ZDHHC15: variants seen among roughly 807,000 people sequenced by gnomAD.
The protein encoded by ZDHHC15 is zDHHC palmitoyltransferase 15.
In ZDHHC15, 19 loss-of-function variants were observed where a neutral mutation model predicts 31.7. The ratio of observed to expected loss-of-function variants is 0.60; its 90% confidence interval spans 0.42 to 0.88. ZDHHC15 has a LOEUF of 0.88. ZDHHC15 is among the 40% of genes least tolerant of loss of function. ZDHHC15 has a pLI of 0.00. For missense variants in ZDHHC15, 209 were observed against 251.2 expected (o/e 0.83, Z 1.14); for synonymous variants, 103 against 90.0 (o/e 1.14, Z -0.82).
chrX:75,382,257 T>C (rs1296575188), intron 10 of ZDHHC15, among the ~76,000 whole-genome samples: 2 of 112,165 alleles, frequency 1.8e-5, no homozygotes, highest in Admixed American at 9.5e-5. Flanking sequence ...ATTGAACTGA[T>C]TGATTAGAGA....
At chrX:75,497,283 AG>A (rs1221875129) in intron 2 of ZDHHC15, among the ~76,000 whole-genome samples, 1 of 111,860 alleles carries the variant, frequency 8.9e-6, no homozygotes, top group Non-Finnish European at 1.9e-5. Flanking sequence ...AGATTAAACC[AG>A]GAAGAAACAG....
rs905576509 is a variant in ZDHHC15 at position 75,372,255 on chromosome X, G to A, written c.*723C>T. On this transcript the variant is annotated 3_prime_UTR_variant, in exon 12 of 12. Transcript: ENST00000373367. ...TCAATAAAGTTTATGTCCTGAATTT[G>A]ATCTTCTTGAGTAGCTGTGGTGCTT... 30 of 112,011 alleles carry A rather than the reference G, an allele frequency of 2.7e-4. No homozygotes were observed. Among genetic ancestry groups the A allele is most frequent in the African/African-American group, 9.1e-4 (28 of 30,903 alleles). 9.2% of individuals were successfully genotyped at this position (112,011 alleles called of 1,213,427 possible). A position where few individuals can be genotyped will look rare whatever the true frequency, so the allele number is the denominator to read the frequency against.
chrX:75,429,692 C>T (rs1357715924), intron 6 of ZDHHC15, among the ~76,000 whole-genome samples: 1 of 111,764 alleles, frequency 8.9e-6, no homozygotes, highest in Admixed American at 9.5e-5. Flanking sequence ...TGCTGTATTT[C>T]ATTACTATGC....
At chrX:75,516,383 A>C (rs2085356818) in intron 1 of ZDHHC15, among the ~76,000 whole-genome samples, 1 of 111,954 alleles carries the variant, frequency 8.9e-6, no homozygotes, top group African/African-American at 3.2e-5. Context: ...GGTACCAAAA[A>C]AGATATATAG....
At chrX:75,444,186 C>G (rs2083990035) in intron 4 of ZDHHC15, among the ~76,000 whole-genome samples, 1 of 110,673 alleles carries the variant, frequency 9.0e-6, no homozygotes, top group African/African-American at 3.3e-5. Context: ...TATTGCGGCA[C>G]TATTCACAAT....
intron 10 of ZDHHC15, among the ~76,000 whole-genome samples, chrX:75,381,954 C>A (rs2083119425): frequency 8.9e-6 from 1 of 111,888 alleles, no homozygotes; most frequent in East Asian, 2.8e-4. Context: ...GCCTCATCCT[C>A]AAAACTCTCA....
At chrX:75,388,192 A>C (rs1602549384) in intron 10 of ZDHHC15, among the ~76,000 whole-genome samples, 1 of 112,664 alleles carries the variant, frequency 8.9e-6, no homozygotes, top group Non-Finnish European at 1.9e-5. Flanking sequence ...GAAATGGTAA[A>C]GGAGCTCTTC....
chrX:75,415,382 C>A (rs2083538021), intron 10 of ZDHHC15, among the ~76,000 whole-genome samples: 1 of 111,212 alleles, frequency 9.0e-6, no homozygotes, highest in African/African-American at 3.3e-5. Context: ...TAAAAAAAAC[C>A]CCTCAGCTAT....
intron 2 of ZDHHC15, among the ~76,000 whole-genome samples, chrX:75,503,757 A>G (rs1253708495): frequency 9.0e-6 from 1 of 111,519 alleles, no homozygotes; most frequent in Non-Finnish European, 1.9e-5. Context: ...GTAATAAATG[A>G]CCACAAGCTG....
At chrX:75,455,566 C>G (rs1163500564) in intron 3 of ZDHHC15, among the ~76,000 whole-genome samples, 2 of 111,827 alleles carry the variant, frequency 1.8e-5, no homozygotes, top group Admixed American at 1.9e-4. Context: ...AAACTACCAT[C>G]AGAGTGAACA....
intron 9 of ZDHHC15, among the ~76,000 whole-genome samples, chrX:75,418,580 A>T (rs977004539): frequency 1.8e-5 from 2 of 112,170 alleles, no homozygotes; most frequent in Non-Finnish European, 3.8e-5. Context: ...ACAAGGCTAC[A>T]GTAACAAAAA....
intron 3 of ZDHHC15, among the ~76,000 whole-genome samples, chrX:75,454,876 A>G (rs1382525797): frequency 8.9e-6 from 1 of 112,058 alleles, no homozygotes; most frequent in East Asian, 2.8e-4. Context: ...GAGGACACAA[A>G]CAAATGGAAG....
At chrX:75,379,414 G>A (rs2083091965) in intron 10 of ZDHHC15, among the ~76,000 whole-genome samples, 1 of 112,132 alleles carries the variant, frequency 8.9e-6, no homozygotes, top group African/African-American at 3.2e-5. Flanking sequence ...TTATTTATCA[G>A]CATTATCTGA....
chrX:75,488,067 G>GA (rs897099180), intron 2 of ZDHHC15, among the ~76,000 whole-genome samples: 6 of 111,487 alleles, frequency 5.4e-5, no homozygotes, highest in Admixed American at 9.6e-5. Context: ...TGTTCCTGAG[G>GA]AAAAAAAATC....
At chrX:75,482,375 C>T (rs2084704508) in intron 2 of ZDHHC15, among the ~76,000 whole-genome samples, 1 of 112,122 alleles carries the variant, frequency 8.9e-6, no homozygotes, top group Non-Finnish European at 1.9e-5. Context: ...TAGCTGGCTA[C>T]CCACTGGGAG....
chrX:75,432,341 A>T (rs1175181589), intron 4 of ZDHHC15, among the ~76,000 whole-genome samples: 1 of 111,643 alleles, frequency 9.0e-6, no homozygotes, highest in Non-Finnish European at 1.9e-5. Flanking sequence ...ATGATGAATA[A>T]TTTGAACTAA....
intron 10 of ZDHHC15, among the ~76,000 whole-genome samples, chrX:75,411,838 C>G (rs1177459498): frequency 8.9e-6 from 1 of 111,739 alleles, no homozygotes; most frequent in African/African-American, 3.2e-5. Context: ...GAAAATGCAA[C>G]TTACAGAATG....
At chrX:75,503,288 C>T (rs1263105858) in intron 2 of ZDHHC15, among the ~76,000 whole-genome samples, 1 of 110,650 alleles carries the variant, frequency 9.0e-6, no homozygotes. Context: ...TATTTTACTT[C>T]TTTGGTTCTG....
intron 1 of ZDHHC15, among the ~76,000 whole-genome samples, chrX:75,508,416 C>T (rs1036297533): frequency 9.6e-6 from 1 of 104,378 alleles, no homozygotes; most frequent in Admixed American, 1.1e-4. Flanking sequence ...TTTGTCCTTG[C>T]GATAGTTTGC....
Sources: gnomAD v4.1 joint callset for allele counts (sites outside exome capture counted in the v4.1 genomes callset) on GRCh38, gnomAD v4.1.1 for gene constraint, MANE v1.5 for transcripts, NCBI Gene and HGNC (gene_info 2026-07-23, HGNC 2026-07-21) for gene names.